The following NSD2 variants were observed in gnomAD, a reference collection of about 807,000 sequenced individuals.
NSD2 encodes the protein nuclear receptor binding SET domain protein 2, also known as histone-lysine N-methyltransferase NSD2.
A neutral mutation model predicts 139.0 loss-of-function variants in NSD2; 12 were observed. The observed-to-expected ratio is 0.09, with a 90% CI of 0.06 to 0.14. The LOEUF (loss-of-function observed/expected upper bound fraction) is 0.14. NSD2 is among the 10% of genes least tolerant of loss of function. The probability of loss-of-function intolerance (pLI) is 1.00; values close to 1 mark genes in which losing one functional copy is unlikely to be tolerated. For missense variants in NSD2, 1,155 were observed against 1,745.0 expected, an observed-to-expected ratio of 0.66 and a Z score of 6.02; for synonymous variants, 669 against 648.7, an observed-to-expected ratio of 1.03 and a Z score of -0.48.
At chr4:1,940,308 T>G in intron 9 of NSD2, 1 of 1,073,158 alleles carries the variant, frequency 9.3e-7, no homozygotes, top group Non-Finnish European at 1.1e-6. Context: ...TTTTAGTTAC[T>G]TGAGTGTTGA....
intron 1 of NSD2, among the ~76,000 whole-genome samples, chr4:1,880,246 T>C (rs1399912348): frequency 6.6e-6 from 1 of 152,088 alleles, no homozygotes; most frequent in Non-Finnish European, 1.5e-5. Flanking sequence ...CAGCAGGAAA[T>C]TGAATCCCAA....
rs763368806 is a variant in NSD2, at chr4:1,978,807, G to C, written c.3996G>C (p.Ser1332=). The part of the protein sequence containing the change: ...YCCEHDLGAA[S]VRSTKTEKPP... The stretch of plus-strand genomic sequence containing the variant: ...GTGAGCATGACTTAGGGGCGGCATC[G>C]GTCAGAAGCACCAAGACTGAGAAGC... The change falls in exon 22 of 22, where the codon TCG becomes TCC. Residue 1332 remains serine, a synonymous_variant. Transcript: ENST00000508803. 32 of 1,611,964 alleles carry C rather than the reference G, an allele frequency of 2.0e-5. No individual in the cohort carries two copies. The highest frequency in any genetic ancestry group is 2.6e-5 in the Non-Finnish European group (31 of 1,178,548).
chr4:1,925,782 GT>G (rs1227335222), intron 5 of NSD2, among the ~76,000 whole-genome samples: 1 of 142,134 alleles, frequency 7.0e-6, no homozygotes, highest in African/African-American at 2.9e-5. Flanking sequence ...ATTTTTTTTT[GT>G]TTGTTTGTTT....
intron 18 of NSD2, among the ~76,000 whole-genome samples, chr4:1,969,279 C>T (rs1429593957): frequency 1.3e-5 from 2 of 152,130 alleles, no homozygotes; most frequent in Non-Finnish European, 1.5e-5. Context: ...CTCTGAGGGC[C>T]CACAGAGACT....
intron 1 of NSD2, among the ~76,000 whole-genome samples, chr4:1,883,530 G>T (rs1714855447): frequency 6.6e-6 from 1 of 151,798 alleles, no homozygotes; most frequent in Non-Finnish European, 1.5e-5. Flanking sequence ...TACTCAGGAG[G>T]CTGAGGCACG....
chr4:1,970,753 G>A (rs542882552), intron 18 of NSD2, among the ~76,000 whole-genome samples: 4 of 152,178 alleles, frequency 2.6e-5, no homozygotes, highest in Non-Finnish European at 5.9e-5. Context: ...TGATTTCAGT[G>A]TGCACAAGCA....
intron 9 of NSD2, chr4:1,946,888 G>A (rs1723692090): frequency 9.4e-7 from 1 of 1,059,384 alleles, no homozygotes; most frequent in Admixed American, 5.4e-5. Flanking sequence ...ATGGTTACGT[G>A]TTAGGTCCAC....
At chr4:1,882,460 G>A (rs1350406085) in intron 1 of NSD2, among the ~76,000 whole-genome samples, 2 of 152,246 alleles carry the variant, frequency 1.3e-5, no homozygotes, top group Non-Finnish European at 2.9e-5. Flanking sequence ...TCAGAAGATC[G>A]AGACCATCCT....
intron 1 of NSD2, among the ~76,000 whole-genome samples, chr4:1,878,052 GTAT>G (rs1298773540): frequency 3.3e-5 from 5 of 150,978 alleles, no homozygotes; most frequent in Non-Finnish European, 7.4e-5. Flanking sequence ...TTTAAAAAAA[GTAT>G]TATATATATA....
intron 1 of NSD2, among the ~76,000 whole-genome samples, chr4:1,880,319 G>A (rs926703422): frequency 3.9e-5 from 6 of 151,964 alleles, no homozygotes; most frequent in African/African-American, 1.5e-4. Flanking sequence ...ACTCCTGCAG[G>A]GCCTGACCTC....
intron 5 of NSD2, among the ~76,000 whole-genome samples, chr4:1,925,389 CTTTTTTTTTTTTT>C (rs34335852): frequency 1.1e-3 from 41 of 38,022 alleles, no homozygotes; most frequent in Middle Eastern, 0.021. Context: ...CTTTTTCTTT[CTTTTTTTTTTTTT>C]TTTTTTTTTT....
intron 3 of NSD2, among the ~76,000 whole-genome samples, chr4:1,911,587 CAAAAAAAAA>C (rs372660600): frequency 1.2e-4 from 5 of 42,078 alleles, no homozygotes; most frequent in South Asian, 1.1e-3. Context: ...GACGCCATCT[CAAAAAAAAA>C]AAAAAAAAAA....
rs556727115 is a variant in NSD2 at position 1,982,088 on chromosome 4, TAG to T, written c.*3184_*3185del. ...TTTTGGGGGGAGGGATATACTGAAA[TAG>T]AGAGTTGAGACTTGCCAGTTGGGGG... On this transcript the variant is annotated 3_prime_UTR_variant, in exon 22 of 22. Coordinates refer to ENST00000508803, the MANE Select transcript of NSD2 (RefSeq NM_001042424.3). 5.0e-4 allele frequency: 199 copies of T among 396,792 alleles called. 2 individuals carry two copies. Among genetic ancestry groups the T allele is most frequent in the African/African-American group, 3.8e-3 (183 of 48,696 alleles). The allele number at this position is 396,792 out of a possible 1,614,324, so 24.6% of individuals were successfully genotyped here.
In NSD2 at chr4:1,942,736, G is replaced by T. The variant is rs532435684; in HGVS notation, c.1881+2958G>T. On this transcript the variant is annotated intron_variant, in intron 9 of 21. Transcript: ENST00000508803. This position sits in a 1 kb window ranked among gnomAD's most constrained non-coding sequence, Gnocchi z 4.0. The stretch of plus-strand genomic sequence containing the variant: ...CGGAAGGGGTGGCCCTGTTAGAGTT[G>T]CTTCTCCTCTAGTTTGTAACTTACT... 5.5e-6 allele frequency: 6 copies of T among 1,094,012 alleles called. No homozygotes were observed. The highest frequency in any genetic ancestry group is 6.7e-6 in the Non-Finnish European group (6 of 896,444). 67.8% of individuals were successfully genotyped at this position (1,094,012 alleles called of 1,614,324 possible).
intron 1 of NSD2, among the ~76,000 whole-genome samples, chr4:1,879,891 A>G (rs1453548650): frequency 6.6e-6 from 1 of 150,640 alleles, no homozygotes; most frequent in Non-Finnish European, 1.5e-5. Flanking sequence ...CTTTGTGAGT[A>G]CTGGGCCCTC....
rs372709450 is a variant in NSD2, at chr4:1,961,505, T to C, written c.3372+354T>C. 9.8e-5 allele frequency among the ~76,000 whole-genome samples: 15 copies of C among 152,354 alleles called. No homozygotes were observed. The East Asian group carries it at 2.1e-3, about 22-fold the overall frequency. ...AAGTGATTGTATTTTATTTTTTAAT[T>C]TTCAGTGCTCTTTGGGTAAGGTCTC... On this transcript the variant is annotated intron_variant, in intron 18 of 21. Coordinates refer to ENST00000508803, the MANE Select transcript of NSD2 (RefSeq NM_001042424.3).
intron 2 of NSD2, among the ~76,000 whole-genome samples, chr4:1,901,576 C>T (rs1481722316): frequency 6.6e-6 from 1 of 152,266 alleles, no homozygotes; most frequent in South Asian, 2.1e-4. Context: ...TGCTTGACAA[C>T]GTCAGGCTAC....
chr4:1,903,995 A>G (rs187920210), intron 2 of NSD2, among the ~76,000 whole-genome samples: 2 of 152,298 alleles, frequency 1.3e-5, no homozygotes, highest in African/African-American at 2.4e-5. Flanking sequence ...TGGCCTCCCA[A>G]AGTGCTGGGA....
rs1274132193 is a variant in NSD2, at chr4:1,938,460, A to G, written c.1684A>G (p.Ile562Val). Residue 562 changes from isoleucine to valine, a missense_variant, in exon 8 of 22, where the codon ATC becomes GTC. Physicochemically the swap from Ile to Val is conservative, Grantham distance 29. Around this residue, in one of 8 missense-constraint regions of NSD2, gnomAD observed 420 missense variants for 469.0 expected, o/e 0.90. Coordinates refer to ENST00000508803, the MANE Select transcript of NSD2 (RefSeq NM_001042424.3). ...TTTTTTTAAATAATAGAGAGACACA[A>G]TCACTGACAAAACGGCCAGAACAAG... ...DKHSLRKRDT[I>V]TDKTARTSSY... is the part of the protein sequence containing the mutation. 2 of 1,558,956 alleles carry G rather than the reference A, an allele frequency of 1.3e-6. No individual in the cohort carries two copies. The highest frequency in any genetic ancestry group is 1.2e-5 in the South Asian group (1 of 86,834).
Sources: allele counts gnomAD v4.1 joint callset (sites outside exome capture counted in the v4.1 genomes callset), GRCh38; gene constraint gnomAD v4.1.1; regional missense constraint gnomAD v4.1.1; non-coding constraint Gnocchi (gnomAD v3.1); transcripts MANE v1.5; gene names NCBI Gene and HGNC (gene_info 2026-07-23, HGNC 2026-07-21).